ZNF385D: variants seen among roughly 807,000 people sequenced by gnomAD.
ZNF385D encodes the protein zinc finger protein 659.
A neutral mutation model predicts 35.8 loss-of-function variants in ZNF385D; 15 were observed. The observed-to-expected ratio is 0.42, with a 90% CI of 0.28 to 0.64. ZNF385D has a LOEUF of 0.64. Ranked by LOEUF, ZNF385D falls within the 30% of genes least tolerant of loss-of-function variation. The pLI, the probability that ZNF385D is intolerant of heterozygous loss-of-function variation, is 0.23. For synonymous variants in ZNF385D, 212 were observed against 186.8 expected (o/e 1.13, Z -1.10); for missense variants, 474 against 494.6 (o/e 0.96, Z 0.39).
intron 2 of ZNF385D, among the ~76,000 whole-genome samples, chr3:22,326,927 T>C (rs999109440): frequency 1.5e-4 from 23 of 152,176 alleles, no homozygotes; most frequent in African/African-American, 4.8e-4. Flanking sequence ...TGCCAGAAAA[T>C]AGGAAATCAC....
At chr3:22,286,533 T>C (rs931502280) in intron 2 of ZNF385D, among the ~76,000 whole-genome samples, 3 of 152,152 alleles carry the variant, frequency 2.0e-5, no homozygotes, top group Non-Finnish European at 2.9e-5. Context: ...ATGCTCATGA[T>C]TGCTACTATA....
chr3:22,117,775 G>A (rs1702885937), intron 3 of ZNF385D, among the ~76,000 whole-genome samples: 1 of 151,812 alleles, frequency 6.6e-6, no homozygotes, highest in Non-Finnish European at 1.5e-5. Context: ...AATAAAAGAA[G>A]AAATTAAGAA....
chr3:22,108,359 G>GT (rs34021740), intron 3 of ZNF385D, among the ~76,000 whole-genome samples: 2,584 of 149,448 alleles, frequency 0.017, 79 homozygotes, highest in African/African-American at 0.059. Flanking sequence ...ATAATGAAAG[G>GT]TTTTTTTTGT....
intron 1 of ZNF385D, among the ~76,000 whole-genome samples, chr3:21,748,592 C>A (rs949958457): frequency 3.9e-5 from 6 of 152,134 alleles, no homozygotes; most frequent in Non-Finnish European, 7.4e-5. Context: ...TCACAAGTCA[C>A]CAGAAAAGCC....
chr3:21,426,220 A>G (rs377679615), intron 5 of ZNF385D, among the ~76,000 whole-genome samples: 6 of 152,320 alleles, frequency 3.9e-5, no homozygotes, highest in East Asian at 3.9e-4. Context: ...AAGTGAGAGT[A>G]ATAGTATAAA....
At chr3:21,987,430 C>T (rs1480003101) in intron 3 of ZNF385D, among the ~76,000 whole-genome samples, 2 of 117,590 alleles carry the variant, frequency 1.7e-5, no homozygotes, top group Non-Finnish European at 3.3e-5. Flanking sequence ...ACTTATGAAG[C>T]TTAGTTTGGC....
chr3:21,923,468 A>G lies in ZNF385D; in HGVS notation c.325+245349T>C, dbSNP rs1267581794. Among the ~76,000 whole-genome samples, 4 of 152,294 alleles carry G rather than the reference A, an allele frequency of 2.6e-5. No individual in the cohort carries two copies. In the East Asian group the frequency reaches 7.7e-4, roughly 29 times the overall value. The stretch of plus-strand genomic sequence containing the variant: ...AGTTTGGAGATTTCCCACCAAACTT[A>G]AAACAGAACTACTATTTGACCAGCA... On this transcript the variant is annotated intron_variant, in intron 3 of 5. Coordinates refer to the ZNF385D transcript ENST00000494108.
chr3:22,105,462 CTT>C (rs1198470477), intron 3 of ZNF385D, among the ~76,000 whole-genome samples: 4 of 152,036 alleles, frequency 2.6e-5, no homozygotes, highest in Admixed American at 2.0e-4. Context: ...GAAAGAGAGA[CTT>C]AATATAAAAT....
rs1235025525 is a variant in ZNF385D, at chr3:21,873,518, C to G, written c.326-208490G>C. 2.6e-5 allele frequency among the ~76,000 whole-genome samples: 4 copies of G among 151,988 alleles called. No individual in the cohort carries two copies. The East Asian group carries it at 7.7e-4, about 29-fold the overall frequency. ...CATAACTTGATATCCACCTTCTTTC[C>G]TTTTTAGGTGTACAGTATGGTATTC... On this transcript the variant is annotated intron_variant, in intron 3 of 5. Transcript: ENST00000494108.
intron 2 of ZNF385D, among the ~76,000 whole-genome samples, chr3:22,182,644 G>A (rs925376621): frequency 6.6e-6 from 1 of 151,770 alleles, no homozygotes; most frequent in Non-Finnish European, 1.5e-5. Flanking sequence ...AAACTAGGTA[G>A]TATTCATTTT....
chr3:21,684,365 C>CCTCTCCCT (rs2067015293), intron 1 of ZNF385D, among the ~76,000 whole-genome samples: 1 of 73,334 alleles, frequency 1.4e-5, no homozygotes, highest in Non-Finnish European at 2.6e-5. Flanking sequence ...TAACTGTTCT[C>CCTCTCCCT]CTCTCTCTCT....
At chr3:22,242,877 G>T (rs990697440) in intron 2 of ZNF385D, among the ~76,000 whole-genome samples, 3 of 150,904 alleles carry the variant, frequency 2.0e-5, no homozygotes, top group African/African-American at 4.9e-5. Flanking sequence ...TAGAAGAGGG[G>T]TATACAGAAA....
chr3:22,212,527 GAATT>G (rs1414667786), intron 2 of ZNF385D, among the ~76,000 whole-genome samples: 1 of 151,862 alleles, frequency 6.6e-6, no homozygotes, highest in Non-Finnish European at 1.5e-5. Flanking sequence ...TCTTCTCTTG[GAATT>G]AATATGTCTC....
chr3:21,522,820 AT>A (rs973491706), intron 3 of ZNF385D, among the ~76,000 whole-genome samples: 5 of 151,752 alleles, frequency 3.3e-5, no homozygotes, highest in Non-Finnish European at 7.4e-5. Context: ...AAGAAAAAAA[AT>A]TTTTTGTTTT....
intron 3 of ZNF385D, among the ~76,000 whole-genome samples, chr3:21,526,296 GCACA>G (rs1430863889): frequency 2.0e-5 from 3 of 151,988 alleles, no homozygotes; most frequent in African/African-American, 7.2e-5. Flanking sequence ...GGCTGGTCCT[GCACA>G]CAAACTTCCA....
At chr3:21,519,363 A>T (rs1707776015) in intron 3 of ZNF385D, among the ~76,000 whole-genome samples, 1 of 152,202 alleles carries the variant, frequency 6.6e-6, no homozygotes, top group East Asian at 1.9e-4. Flanking sequence ...TTCTCAACTC[A>T]TCTATAAACT....
chr3:21,752,003 A>ACCCCCCC (rs1400472266), upstream of ZNF385D, among the ~76,000 whole-genome samples: 10 of 45,818 alleles, frequency 2.2e-4, no homozygotes, highest in South Asian at 9.8e-4. Context: ...ACACACACAC[A>ACCCCCCC]CCCACCCCCC....
At chr3:21,836,549 C>G (rs1695341738) in intron 3 of ZNF385D, among the ~76,000 whole-genome samples, 1 of 151,952 alleles carries the variant, frequency 6.6e-6, no homozygotes, top group African/African-American at 2.4e-5. Context: ...ACAAAAGTTG[C>G]CAAACTTTTT....
At chr3:22,339,638 G>A (rs983265124) in intron 2 of ZNF385D, among the ~76,000 whole-genome samples, 4 of 152,120 alleles carry the variant, frequency 2.6e-5, no homozygotes, top group Non-Finnish European at 5.9e-5. Flanking sequence ...AAAGAAAGGC[G>A]ATTATCCTTG....
Sources: allele counts gnomAD v4.1 joint callset (sites outside exome capture counted in the v4.1 genomes callset), GRCh38; gene constraint gnomAD v4.1.1; transcripts MANE v1.5; gene names NCBI Gene and HGNC (gene_info 2026-07-23, HGNC 2026-07-21).